The following GALNT9 variants were observed in gnomAD, a reference collection of about 807,000 sequenced individuals.
GALNT9 encodes the protein GalNAc transferase 9.
A neutral mutation model predicts 63.1 loss-of-function variants in GALNT9; 47 were observed. The observed-to-expected ratio is 0.75, with a 90% CI of 0.59 to 0.95. The LOEUF (loss-of-function observed/expected upper bound fraction) is 0.95, where lower values mean the gene tolerates loss of function less well. GALNT9 is among the 40% of genes least tolerant of loss of function. The pLI is 0.00. For missense variants in GALNT9, 829 were observed against 874.8 expected (o/e 0.95, Z 0.66); for synonymous variants, 396 against 365.7 (o/e 1.08, Z -0.94).
chr12:132,203,991 AC>A (rs541096695), intron 6 of GALNT9, among the ~76,000 whole-genome samples: 197 of 151,144 alleles, frequency 1.3e-3, no homozygotes, highest in African/African-American at 4.8e-3. Context: ...CAGGTTTTTC[AC>A]CCTGTGGTTC....
At chr12:132,288,105 G>A (rs1880674863) in intron 1 of GALNT9, among the ~76,000 whole-genome samples, 1 of 152,130 alleles carries the variant, frequency 6.6e-6, no homozygotes, top group Non-Finnish European at 1.5e-5. Flanking sequence ...ACCTTCTCTC[G>A]CGGCGCCAGC....
chr12:132,216,686 C>G (rs1405246271), intron 6 of GALNT9, among the ~76,000 whole-genome samples: 1 of 152,192 alleles, frequency 6.6e-6, no homozygotes, highest in Non-Finnish European at 1.5e-5. Flanking sequence ...GGGGGATGAG[C>G]AGTTTTCTCT....
intron 6 of GALNT9, among the ~76,000 whole-genome samples, chr12:132,239,981 G>C (rs1878180790): frequency 6.6e-6 from 1 of 152,084 alleles, no homozygotes; most frequent in Non-Finnish European, 1.5e-5. Flanking sequence ...CTGGTGTCTG[G>C]GGAGAGGAGT....
chr12:132,324,498 C>T (rs1555246372), intron 1 of GALNT9, among the ~76,000 whole-genome samples: 1 of 152,232 alleles, frequency 6.6e-6, no homozygotes, highest in Non-Finnish European at 1.5e-5. Flanking sequence ...AGACCCCGGA[C>T]CAGCGGCTAT....
intron 6 of GALNT9, among the ~76,000 whole-genome samples, chr12:132,213,097 CCGGGTCTG>C (rs1877023332): frequency 2.6e-5 from 2 of 77,752 alleles, no homozygotes; most frequent in East Asian, 6.4e-4. Context: ...GAAACCCCAC[CCGGGTCTG>C]CAGCCTTCAG....
chr12:132,246,169 C>T lies in GALNT9; in HGVS notation c.1077+1741G>A, dbSNP rs1219221723. Among the ~76,000 whole-genome samples the T allele has an allele frequency of 2.6e-5, 4 of 152,260 alleles. No individual in the cohort carries two copies. Among genetic ancestry groups the T allele is most frequent in the Admixed American group, 6.5e-5 (1 of 15,294 alleles). On this transcript the variant is annotated intron_variant, in intron 6 of 10. Transcript: ENST00000328957. The surrounding 1 kb of genome is among the most constrained non-coding windows in gnomAD (Gnocchi z 4.7). ...CGACCCGCCAAGGTCTGGTGTTTAA[C>T]AATCACAGCAGTTAAGGGAAGTCAG... is the stretch of plus-strand genomic sequence containing the variant.
intron 1 of GALNT9, among the ~76,000 whole-genome samples, chr12:132,322,132 C>T (rs1868830760): frequency 6.6e-6 from 1 of 152,238 alleles, no homozygotes; most frequent in African/African-American, 2.4e-5. Context: ...AAATAAGCCA[C>T]ATTCCGAGGT....
At chr12:132,215,368 C>T (rs571616107) in intron 6 of GALNT9, among the ~76,000 whole-genome samples, 2 of 152,236 alleles carry the variant, frequency 1.3e-5, no homozygotes, top group African/African-American at 2.4e-5. Flanking sequence ...CAGGACGCGG[C>T]GCCCGGCACC....
chr12:132,289,785 C>G (rs1049648077), intron 1 of GALNT9, among the ~76,000 whole-genome samples: 4 of 152,244 alleles, frequency 2.6e-5, no homozygotes, highest in African/African-American at 9.6e-5. Flanking sequence ...GAGAACCAAG[C>G]AGCCCCTGGT....
intron 1 of GALNT9, among the ~76,000 whole-genome samples, chr12:132,307,927 C>CT (rs1201659583): frequency 1.8e-4 from 27 of 151,016 alleles, no homozygotes; most frequent in African/African-American, 6.6e-4. Flanking sequence ...TCCCCGCACA[C>CT]TGGGAGGCTG....
At chr12:132,243,932 A>T (rs1435773367) in intron 6 of GALNT9, among the ~76,000 whole-genome samples, 1 of 152,020 alleles carries the variant, frequency 6.6e-6, no homozygotes, top group Admixed American at 6.5e-5. Context: ...GCCACACCCC[A>T]CAAGAAAGAA....
intron 2 of GALNT9, chr12:132,277,305 G>A (rs1880134978): frequency 6.5e-6 from 1 of 154,908 alleles, no homozygotes; most frequent in Admixed American, 6.5e-5. Context: ...GCTGCTTGCA[G>A]GGGATGGAAG....
intron 2 of GALNT9, among the ~76,000 whole-genome samples, chr12:132,270,850 C>T (rs151197861): frequency 2.6e-5 from 4 of 151,832 alleles, no homozygotes; most frequent in East Asian, 3.9e-4. Flanking sequence ...AGGCAGATGA[C>T]GGTCAGTCAT....
rs1868912025 is a variant in GALNT9 at position 132,323,838 on chromosome 12, C to G, written c.238+5128G>C. Among the ~76,000 whole-genome samples, 3 of 152,210 alleles carry G rather than the reference C, an allele frequency of 2.0e-5. 1 individual carries two copies. In the South Asian group the frequency reaches 6.2e-4, roughly 32 times the overall value. ...GGGCGGGGGCCCGGAAGTTAATGAT[C>G]CGGGTGGAAAGACGGTCAACGCTGC... On this transcript the variant is annotated intron_variant, in intron 1 of 10. Transcript: ENST00000328957.
chr12:132,220,774 AAC>A (rs1365022798), intron 6 of GALNT9, among the ~76,000 whole-genome samples: 2 of 152,184 alleles, frequency 1.3e-5, no homozygotes, highest in Non-Finnish European at 2.9e-5. Flanking sequence ...GATTTGTAGA[AAC>A]ACACAGCTGG....
At position 132,329,512 on chromosome 12, in the gene GALNT9, C is replaced by CGCGG. The variant is rs1869206841; in HGVS notation, c.-313_-310dup. Among the ~76,000 whole-genome samples, 2 of 146,932 alleles carry CGCGG rather than the reference C, an allele frequency of 1.4e-5. No individual in the cohort carries two copies. The highest frequency in any genetic ancestry group is 4.2e-4 in the South Asian group (2 of 4,768). ...GGGCGCCGGGGGGCGGCGGGGAAGG[C>CGCGG]GCGGGCGGGCGGCGCTCGGTGTCTG... On this transcript the variant is annotated 5_prime_UTR_variant, in exon 1 of 11. Transcript: ENST00000328957.
intron 3 of GALNT9, among the ~76,000 whole-genome samples, chr12:132,261,531 C>A (rs1441000524): frequency 6.6e-6 from 1 of 152,186 alleles, no homozygotes; most frequent in Non-Finnish European, 1.5e-5. Context: ...CACAGGTAGC[C>A]GAGCTGGACT....
chr12:132,294,745 G>A (rs112958482), intron 1 of GALNT9, among the ~76,000 whole-genome samples: 12,103 of 86,282 alleles, frequency 0.14, 579 homozygotes, highest in African/African-American at 0.18. Context: ...GGTCAGAGCC[G>A]CTTGGCTTTC....
chr12:132,270,316 A>T (rs1593096190), intron 2 of GALNT9, among the ~76,000 whole-genome samples: 1 of 152,302 alleles, frequency 6.6e-6, no homozygotes, highest in East Asian at 1.9e-4. Flanking sequence ...CTGAAATACG[A>T]TCACCAGGAA....
Sources: allele counts gnomAD v4.1 joint callset (sites outside exome capture counted in the v4.1 genomes callset), GRCh38; gene constraint gnomAD v4.1.1; non-coding constraint Gnocchi (gnomAD v3.1); transcripts MANE v1.5; gene names NCBI Gene and HGNC (gene_info 2026-07-23, HGNC 2026-07-21).